The following UPRT variants were observed in gnomAD, a reference collection of about 807,000 sequenced individuals.
UPRT encodes the protein uracil phosphoribosyltransferase homolog, also known as RP11-311P8.3.
UPRT carries 5 observed loss-of-function variants against 22.6 expected under a neutral mutation model. The ratio of observed to expected loss-of-function variants is 0.22; its 90% CI spans 0.12 to 0.47. The LOEUF (loss-of-function observed/expected upper bound fraction) is 0.47, where lower values mean the gene tolerates loss of function less well. UPRT is among the 20% of genes least tolerant of loss of function. The pLI is 0.99. For missense variants in UPRT, 181 were observed against 239.9 expected (o/e 0.75, Z 1.62); for synonymous variants, 77 against 87.7 (o/e 0.88, Z 0.68).
chrX:75,162,377 T>C (rs764615791), intron 2 of UPRT, among the ~76,000 whole-genome samples: 371 of 111,804 alleles, frequency 3.3e-3, no homozygotes, highest in Non-Finnish European at 4.7e-3. Flanking sequence ...GTGTGGCATG[T>C]AGACCCATGA....
chrX:75,205,094 G>C (rs769704816), intron 4 of UPRT, among the ~76,000 whole-genome samples: 7 of 111,207 alleles, frequency 6.3e-5, no homozygotes, highest in African/African-American at 2.3e-4. Context: ...ATTTGGGCCG[G>C]GCGCGGTGGC....
At chrX:75,235,246 G>C (rs187787521) in intron 4 of UPRT, among the ~76,000 whole-genome samples, 1,120 of 111,509 alleles carry the variant, frequency 0.01, 18 homozygotes, top group African/African-American at 0.034. Context: ...GGAAGAAGTT[G>C]AATCCCTGAA....
intron 1 of UPRT, among the ~76,000 whole-genome samples, chrX:75,283,604 G>A (rs943672010): frequency 9.0e-6 from 1 of 111,439 alleles, no homozygotes; most frequent in African/African-American, 3.3e-5. Flanking sequence ...TTGTTTGTTT[G>A]TTTGTTTGAG....
At chrX:75,188,765 A>G (rs1441216479) in intron 4 of UPRT, among the ~76,000 whole-genome samples, 1 of 112,297 alleles carries the variant, frequency 8.9e-6, no homozygotes, top group Non-Finnish European at 1.9e-5. Context: ...CGCAGTATTC[A>G]GGTGGGAGTG....
chrX:75,259,728 C>T (rs761310708), intron 4 of UPRT, among the ~76,000 whole-genome samples: 2 of 110,712 alleles, frequency 1.8e-5, no homozygotes, highest in South Asian at 3.9e-4. Context: ...GCAAGACATG[C>T]CAACATTCAA....
At chrX:75,184,927 C>T (rs1273585827) in intron 4 of UPRT, among the ~76,000 whole-genome samples, 1 of 111,273 alleles carries the variant, frequency 9.0e-6, no homozygotes, top group Non-Finnish European at 1.9e-5. Context: ...TGGGCTCACA[C>T]AATGGGGTTT....
chrX:75,208,565 G>A (rs2082372515), intron 4 of UPRT, among the ~76,000 whole-genome samples: 1 of 111,662 alleles, frequency 9.0e-6, no homozygotes, highest in Non-Finnish European at 1.9e-5. Flanking sequence ...ATATGGGAGA[G>A]TAGAGCATAT....
intron 4 of UPRT, among the ~76,000 whole-genome samples, chrX:75,251,894 C>T (rs1362023844): frequency 7.3e-5 from 8 of 110,183 alleles, no homozygotes; most frequent in African/African-American, 9.9e-5. Flanking sequence ...ACAGAGCCCT[C>T]AGAAATAATG....
chrX:75,214,057 G>T (rs2082386454), intron 4 of UPRT, among the ~76,000 whole-genome samples: 1 of 111,675 alleles, frequency 9.0e-6, no homozygotes, highest in Non-Finnish European at 1.9e-5. Context: ...CAAAACATTC[G>T]CCAAGACTGA....
Position 75,234,079 on chromosome X carries a change from G to C in UPRT, c.-446-56945G>C, listed in dbSNP as rs755251464. ...AGACACACATAGGCTCAAAATAAAA[G>C]GATGGAGGAAGATCTACCAAGCAAA... On this transcript the variant is annotated intron_variant, in intron 4 of 13. Transcript: ENST00000652605. Among the ~76,000 whole-genome samples, 10 of 110,351 alleles carry C rather than the reference G, an allele frequency of 9.1e-5. No individual in the cohort carries two copies. In the South Asian group the frequency reaches 4.0e-3, roughly 44 times the overall value.
At chrX:75,206,564 C>T (rs1448088862) in intron 4 of UPRT, among the ~76,000 whole-genome samples, 1 of 111,347 alleles carries the variant, frequency 9.0e-6, no homozygotes, top group Non-Finnish European at 1.9e-5. Context: ...AAAATTTTAT[C>T]ATTGAGGTAG....
At chrX:75,265,835 G>T (rs1364018541) in intron 4 of UPRT, among the ~76,000 whole-genome samples, 1 of 111,087 alleles carries the variant, frequency 9.0e-6, no homozygotes, top group Non-Finnish European at 1.9e-5. Context: ...TTTGATGATG[G>T]TGACATACAG....
Position 75,237,089 on chromosome X carries a change from A to C in UPRT, c.-446-53935A>C, listed in dbSNP as rs1241626128. Among the ~76,000 whole-genome samples, 4 of 112,274 alleles carry C rather than the reference A, an allele frequency of 3.6e-5. No homozygotes were observed. The East Asian group carries it at 1.1e-3, about 31-fold the overall frequency. On this transcript the variant is annotated intron_variant, in intron 4 of 13. Transcript: ENST00000652605. ...ATATTCAGAATCTACAATGAACTCA[A>C]ACAAATTTACAAGGAAAAAACAAAC...
At chrX:75,273,107 T>G (rs2082617025), upstream of UPRT, among the ~76,000 whole-genome samples, 1 of 111,289 alleles carries the variant, frequency 9.0e-6, no homozygotes, top group African/African-American at 3.3e-5. Flanking sequence ...TTCTCACTTA[T>G]AAGTGGGAGC....
intron 4 of UPRT, among the ~76,000 whole-genome samples, chrX:75,209,414 C>T (rs1368219732): frequency 9.0e-6 from 1 of 111,301 alleles, no homozygotes; most frequent in Non-Finnish European, 1.9e-5. Flanking sequence ...GCTCTTGTCG[C>T]CCAGGCTGGT....
chrX:75,230,160 C>T (rs926794564), intron 4 of UPRT, among the ~76,000 whole-genome samples: 55 of 111,404 alleles, frequency 4.9e-4, no homozygotes, highest in Non-Finnish European at 5.1e-4. Context: ...TTCCTGGTGA[C>T]CTGTATGACA....
chrX:75,213,879 T>A (rs2082386001), intron 4 of UPRT, among the ~76,000 whole-genome samples: 1 of 112,228 alleles, frequency 8.9e-6, no homozygotes, highest in Non-Finnish European at 1.9e-5. Context: ...CTATTATAGT[T>A]GGAGACTTTA....
rs745634314 is a variant in UPRT at position 75,177,773 on chromosome X, C to G, written c.-447+9894C>G. 5.4e-5 allele frequency among the ~76,000 whole-genome samples: 6 copies of G among 111,903 alleles called. No homozygotes were observed. In the South Asian group the frequency reaches 1.5e-3, roughly 28 times the overall value. Reference sequence around the variant, plus strand: ...GTCCCCACTACAACGGGGCTTTGGGCAAAAATTATGTCTTTCCGATTGGTG... The same window carrying G: ...GTCCCCACTACAACGGGGCTTTGGGGAAAAATTATGTCTTTCCGATTGGTG... On this transcript the variant is annotated intron_variant, in intron 4 of 13. Transcript: ENST00000652605.
At chrX:75,276,973 A>T (rs780994686) in intron 1 of UPRT, among the ~76,000 whole-genome samples, 1 of 112,106 alleles carries the variant, frequency 8.9e-6, no homozygotes, top group South Asian at 3.7e-4. Flanking sequence ...TTACATATAA[A>T]AAATGTCTAT....
Sources: allele counts gnomAD v4.1 joint callset (sites outside exome capture counted in the v4.1 genomes callset), GRCh38; gene constraint gnomAD v4.1.1; transcripts MANE v1.5; gene names NCBI Gene and HGNC (gene_info 2026-07-23, HGNC 2026-07-21).